The following SLC5A12 variants were observed in gnomAD, a reference collection of about 807,000 sequenced individuals.
The protein encoded by SLC5A12 is sodium-coupled monocarboxylate transporter 2.
A neutral mutation model predicts 72.7 loss-of-function variants in SLC5A12; 46 were observed. That is an observed-to-expected ratio of 0.63 (90% CI 0.50 to 0.81). The LOEUF (loss-of-function observed/expected upper bound fraction) is 0.81, where lower values mean the gene tolerates loss of function less well. SLC5A12 is among the 30% of genes least tolerant of loss of function. SLC5A12 has a pLI of 0.00. For missense variants in SLC5A12, 683 were observed against 740.7 expected, an observed-to-expected ratio of 0.92 and a Z score of 0.90; for synonymous variants, 275 against 264.4, an observed-to-expected ratio of 1.04 and a Z score of -0.39.
chr11:26,670,824 G>A lies in SLC5A12; in HGVS notation c.*278C>T. ...CAAAAAGACTTCGCTTTCTTGAATG[G>A]TAATGAAATCCAGCCCTAATTTATT... On this transcript the variant is annotated 3_prime_UTR_variant, in exon 15 of 15. Transcript: ENST00000396005. 3.6e-6 allele frequency: 1 copy of A among 279,098 alleles called. No homozygotes were observed. Among genetic ancestry groups the A allele is most frequent in the East Asian group, 6.4e-5 (1 of 15,674 alleles). 17.3% of individuals were successfully genotyped at this position (279,098 alleles called of 1,614,324 possible).
chr11:26,723,006 C>T (rs145569961), upstream of SLC5A12, among the ~76,000 whole-genome samples: 861 of 151,632 alleles, frequency 5.7e-3, 12 homozygotes, highest in East Asian at 0.067. Flanking sequence ...TCTATGTAAC[C>T]GGCTACAGGA....
intron 1 of SLC5A12, among the ~76,000 whole-genome samples, chr11:26,715,439 CGCACTTTA>C (rs1855329023): frequency 1.3e-5 from 2 of 152,112 alleles, no homozygotes; most frequent in Non-Finnish European, 2.9e-5. Flanking sequence ...AACCCTGAGA[CGCACTTTA>C]TATTGTCTCT....
At chr11:26,711,401 A>G (rs1438707909) in intron 2 of SLC5A12, 43 bp from the exon 3 acceptor site, 2 of 1,523,850 alleles carry the variant, frequency 1.3e-6, no homozygotes, top group South Asian at 1.1e-5. Context: ...AGAAAGGGAC[A>G]TAGAAAGGAA....
chr11:26,711,459 A>G (rs1855227571), intron 2 of SLC5A12, 101 bp from the exon 3 acceptor site: 1 of 886,330 alleles, frequency 1.1e-6, no homozygotes, highest in Non-Finnish European at 1.8e-6. Flanking sequence ...ATTCTCTTCA[A>G]CTTGTTCATG....
chr11:26,703,446 ACC>A (rs1554994287), intron 6 of SLC5A12, 83 bp downstream of exon 6: 71,542 of 1,023,362 alleles, frequency 0.07, 2,362 homozygotes, highest in African/African-American at 0.21. Flanking sequence ...ACACACACAC[ACC>A]CCCCAAGAGG....
At chr11:26,679,657 A>C (rs1044161705) in intron 12 of SLC5A12, among the ~76,000 whole-genome samples, 1 of 152,182 alleles carries the variant, frequency 6.6e-6, no homozygotes, top group Non-Finnish European at 1.5e-5. Context: ...TAAGGACCCA[A>C]ATGTAGGAAA....
rs190638184 is a variant in SLC5A12 at position 26,695,898 on chromosome 11, A to T, written c.1040+1266T>A. Among the ~76,000 whole-genome samples the T allele has an allele frequency of 3.4e-4, 51 of 152,154 alleles. No homozygotes were observed. In the East Asian group the frequency reaches 9.1e-3, roughly 27 times the overall value. On this transcript the variant is annotated intron_variant, in intron 8 of 14. Transcript: ENST00000396005. ...TGCCAGTGTTTCCTGTGTTCCTCAA[A>T]CACTCCATACAGTTTGTCTCCGCAG...
chr11:26,683,371 C>T (rs1854452585), intron 11 of SLC5A12, among the ~76,000 whole-genome samples: 1 of 152,072 alleles, frequency 6.6e-6, no homozygotes, highest in Non-Finnish European at 1.5e-5. Flanking sequence ...ATCTAGGTAA[C>T]TATACACAGA....
intron 10 of SLC5A12, among the ~76,000 whole-genome samples, chr11:26,684,272 G>C (rs1590713885): frequency 6.6e-6 from 1 of 152,198 alleles, no homozygotes; most frequent in East Asian, 1.9e-4. Context: ...CAATGCCTCA[G>C]ATATATTCTT....
At chr11:26,717,989 A>T (rs1352646757) in intron 1 of SLC5A12, among the ~76,000 whole-genome samples, 4 of 152,210 alleles carry the variant, frequency 2.6e-5, no homozygotes, top group African/African-American at 7.2e-5. Context: ...CTCACAGAAC[A>T]TCACTTTGGC....
chr11:26,714,770 C>T (rs911829960), intron 1 of SLC5A12, among the ~76,000 whole-genome samples: 1 of 152,034 alleles, frequency 6.6e-6, no homozygotes, highest in African/African-American at 2.4e-5. Context: ...TTCTTTGAAG[C>T]AAAGGACATC....
chr11:26,681,931 C>A (rs1854418970), intron 11 of SLC5A12, among the ~76,000 whole-genome samples: 1 of 151,888 alleles, frequency 6.6e-6, no homozygotes, highest in African/African-American at 2.4e-5. Flanking sequence ...TAGAAGAGGC[C>A]TTGGTAAGAG....
At chr11:26,695,945 C>T (rs1854800694) in intron 8 of SLC5A12, among the ~76,000 whole-genome samples, 1 of 152,122 alleles carries the variant, frequency 6.6e-6, no homozygotes, top group Non-Finnish European at 1.5e-5. Flanking sequence ...TTGCTTTTCC[C>T]CCTGCCTGTA....
At chr11:26,686,967 C>T (rs912902661) in intron 9 of SLC5A12, among the ~76,000 whole-genome samples, 2 of 152,190 alleles carry the variant, frequency 1.3e-5, no homozygotes, top group African/African-American at 4.8e-5. Flanking sequence ...TTCATCTTAA[C>T]AATGGTTAAA....
Position 26,698,512 on chromosome 11 carries a change from C to T in SLC5A12, c.845G>A (p.Gly282Asp). The T allele has an allele frequency of 6.2e-7, 1 of 1,613,952 alleles. No homozygotes were observed. Among genetic ancestry groups the T allele is most frequent in the Non-Finnish European group, 8.5e-7 (1 of 1,179,924 alleles). The change falls in exon 7 of 15, where the codon GGT (glycine) becomes GAT (aspartate). Residue 282 changes from glycine (G) to aspartate (D), a missense_variant. Gly to Asp is a moderately conservative substitution (Grantham distance 94, BLOSUM62 -1). Transcript: ENST00000396005. ...AGCACACACCAGAATGATCCAGAGA[C>T]CCAGCAAGTTAAAATACAAGGCACT... ...AKLALYFNLL[G>D]LWIILVCAVF...
At position 26,703,691 on chromosome 11, in the gene SLC5A12, G is replaced by A; in HGVS notation, c.681-20C>T. On this transcript the variant is annotated intron_variant, in intron 5 of 14. Coordinates refer to ENST00000396005, the MANE Select transcript of SLC5A12 (RefSeq NM_178498.4). Reference sequence around the variant, plus strand: ...TCAAAGCTATGAGACAGAGAGAAATGAGTGAACAAAGATATTCCTTTGATG... The same window carrying A: ...TCAAAGCTATGAGACAGAGAGAAATAAGTGAACAAAGATATTCCTTTGATG... 6.2e-7 allele frequency: 1 copy of A among 1,613,646 alleles called. No homozygotes were observed. The highest frequency in any genetic ancestry group is 1.1e-5 in the South Asian group (1 of 91,078).
intron 9 of SLC5A12, chr11:26,692,248 G>C: frequency 2.5e-6 from 1 of 402,286 alleles, no homozygotes; most frequent in South Asian, 3.6e-5. Context: ...CTCGTCTAGA[G>C]TGTAGGGTAA....
chr11:26,678,403 G>A (rs893822298), intron 13 of SLC5A12, among the ~76,000 whole-genome samples: 5 of 151,538 alleles, frequency 3.3e-5, no homozygotes, highest in African/African-American at 4.8e-5. Context: ...TTTTTGAGAC[G>A]GAGCCTTGCT....
At position 26,671,072 on chromosome 11, in the gene SLC5A12, G is replaced by A. The variant is rs544187740; in HGVS notation, c.*30C>T. Reference sequence around the variant, plus strand: ...TTGTGTGTGTGTGTGTGTATTGCACGTGTGTGTGTGCATTCATACAGGTAT... The same window carrying A: ...TTGTGTGTGTGTGTGTGTATTGCACATGTGTGTGTGCATTCATACAGGTAT... On this transcript the variant is annotated 3_prime_UTR_variant, in exon 15 of 15. Coordinates refer to ENST00000396005, the MANE Select transcript of SLC5A12 (RefSeq NM_178498.4). 4.1e-5 allele frequency: 63 copies of A among 1,524,432 alleles called. No individual in the cohort carries two copies. Among genetic ancestry groups the A allele is most frequent in the Middle Eastern group, 1.7e-4 (1 of 5,764 alleles). The allele number at this position is 1,524,432 out of a possible 1,614,324, so 94.4% of individuals were successfully genotyped here.
Sources: gnomAD v4.1 joint callset for allele counts (sites outside exome capture counted in the v4.1 genomes callset) on GRCh38, gnomAD v4.1.1 for gene constraint, MANE v1.5 for transcripts, NCBI Gene and HGNC (gene_info 2026-07-23, HGNC 2026-07-21) for gene names.